Variants in IQSEC3 observed in about 807,000 individuals in gnomAD.
IQSEC3 encodes IQ motif and SEC7 domain-containing protein 3.
A neutral mutation model predicts 105.4 loss-of-function variants in IQSEC3; 50 were observed. The observed-to-expected ratio is 0.47, with a 90% CI of 0.38 to 0.60. IQSEC3 has a LOEUF of 0.60. Among genes scored for constraint, IQSEC3 ranks in the 20% least tolerant of loss-of-function variants. IQSEC3 has a pLI of 0.00. For missense variants in IQSEC3, 1,415 were observed against 1,630.0 expected (o/e 0.87, Z 2.27); for synonymous variants, 708 against 746.0 (o/e 0.95, Z 0.83).
chr12:122,371 A>G (rs1865247493), intron 2 of IQSEC3, among the ~76,000 whole-genome samples: 1 of 152,246 alleles, frequency 6.6e-6, no homozygotes, highest in Admixed American at 6.5e-5. Context: ...GCCCAAAGCC[A>G]CAGAGCTAGT....
intron 1 of IQSEC3, among the ~76,000 whole-genome samples, chr12:71,017 C>T (rs142876935): frequency 0.015 from 2,291 of 152,172 alleles, 29 homozygotes; most frequent in African/African-American, 0.045. Flanking sequence ...TCCTTCTATC[C>T]TTCTTCCACA....
rs115687944 is a variant in IQSEC3, at chr12:99,472, A to G, written c.623+258A>G. On this transcript the variant is annotated intron_variant, in intron 2 of 13. Transcript: ENST00000538872. Reference sequence around the variant, plus strand: ...TAGGCTCCTTCCTTCTAAACGGCCCATGTAAAATCTAACTTTTGTAAGCAG... The same window carrying G: ...TAGGCTCCTTCCTTCTAAACGGCCCGTGTAAAATCTAACTTTTGTAAGCAG... 4.8e-3 allele frequency among the ~76,000 whole-genome samples: 727 copies of G among 152,328 alleles called. 8 individuals carry two copies. The highest frequency in any genetic ancestry group is 0.016 in the African/African-American group (673 of 41,574).
chr12:124,197 G>A (rs181651084), intron 2 of IQSEC3, among the ~76,000 whole-genome samples: 70 of 152,052 alleles, frequency 4.6e-4, no homozygotes, highest in African/African-American at 1.7e-3. Context: ...GACCAGCCTG[G>A]CTGACATGGT....
At position 67,011 on chromosome 12, in the gene IQSEC3, G is replaced by A. The variant is rs1863113429; in HGVS notation, c.129G>A (p.Leu43=). 3 of 1,531,950 alleles carry A rather than the reference G, an allele frequency of 2.0e-6. No individual in the cohort carries two copies. Among genetic ancestry groups the A allele is most frequent in the Non-Finnish European group, 2.6e-6 (3 of 1,145,338 alleles). The allele number at this position is 1,531,950 out of a possible 1,614,324, so 94.9% of individuals were successfully genotyped here. A position where few individuals can be genotyped will look rare whatever the true frequency, so the allele number is the denominator to read the frequency against. Residue 43 remains leucine, a synonymous_variant, in exon 1 of 14, where the codon CTG becomes CTA. Coordinates refer to ENST00000538872, the MANE Select transcript of IQSEC3 (RefSeq NM_001170738.2). ...GTATCGACGAGCTGGAGCGGCGGCT[G>A]GACGAGCTGAGCGCTGAGAACCGCA... is the stretch of plus-strand genomic sequence containing the variant. ...RERIDELERR[L]DELSAENRSL...
At chr12:126,054 A>G (rs918636457) in intron 3 of IQSEC3, 142 bp downstream of exon 3, 16 of 920,120 alleles carry the variant, frequency 1.7e-5, no homozygotes, top group Admixed American at 2.8e-5. Flanking sequence ...GCATTGAGCG[A>G]CCTAGTTTGC....
intron 2 of IQSEC3, among the ~76,000 whole-genome samples, chr12:110,504 C>A (rs1864844269): frequency 6.6e-6 from 1 of 151,758 alleles, no homozygotes; most frequent in African/African-American, 2.4e-5. Context: ...TCCCTTGGGT[C>A]CTGCACTGGG....
At position 175,214 on chromosome 12, in the gene IQSEC3, C is replaced by A; in HGVS notation, c.*181C>A. On this transcript the variant is annotated 3_prime_UTR_variant, in exon 14 of 14. Coordinates refer to ENST00000538872, the MANE Select transcript of IQSEC3 (RefSeq NM_001170738.2). ...CTCATCCAACCATCCTTCCCTTTCT[C>A]AGCTGCACCCCCTCTGCAGATCTGA... 1.7e-6 allele frequency: 1 copy of A among 579,392 alleles called. No individual in the cohort carries two copies. Among genetic ancestry groups the A allele is most frequent in the Non-Finnish European group, 3.0e-6 (1 of 330,996 alleles). The allele number at this position is 579,392 out of a possible 1,614,324, so 35.9% of individuals were successfully genotyped here.
At chr12:92,297 C>T (rs782642341) in intron 1 of IQSEC3, among the ~76,000 whole-genome samples, 11 of 152,158 alleles carry the variant, frequency 7.2e-5, no homozygotes, top group East Asian at 1.9e-4. Context: ...CCGAGAATGA[C>T]GATGTTCCTT....
At chr12:96,014 C>T (rs1387039082) in intron 1 of IQSEC3, among the ~76,000 whole-genome samples, 2 of 152,126 alleles carry the variant, frequency 1.3e-5, no homozygotes, top group Admixed American at 1.3e-4. Flanking sequence ...TGACCATGGC[C>T]TGAGGCACAG....
At position 76,131 on chromosome 12, in the gene IQSEC3, C is replaced by CACACA. The variant is rs1450642817; in HGVS notation, c.554+8696_554+8697insCACAA. Among the ~76,000 whole-genome samples the CACACA allele has an allele frequency of 3.5e-5, 5 of 144,136 alleles. No homozygotes were observed. In the South Asian group the frequency reaches 6.6e-4, roughly 19 times the overall value. 94.6% of individuals were successfully genotyped at this position (144,136 alleles called of 152,430 possible). ...ACACACACACACACACACACACACA[C>CACACA]AAGGCCTCAGCAGGTGGAGTGAGAA... On this transcript the variant is annotated intron_variant, in intron 1 of 13. Transcript: ENST00000538872.
At chr12:158,802 G>T (rs1301313478) in intron 7 of IQSEC3, among the ~76,000 whole-genome samples, 1 of 152,116 alleles carries the variant, frequency 6.6e-6, no homozygotes, top group Non-Finnish European at 1.5e-5. Context: ...GGGATTACAG[G>T]TGTGCACCAC....
chr12:121,837 C>T (rs782385181), intron 2 of IQSEC3, among the ~76,000 whole-genome samples: 11 of 152,174 alleles, frequency 7.2e-5, no homozygotes, highest in East Asian at 1.9e-4. Context: ...GTGTTCCGGG[C>T]GCTGTCCTAG....
intron 5 of IQSEC3, 36 bp from the exon 6 acceptor site, chr12:156,988 TG>T (rs1555094448): frequency 6.5e-7 from 1 of 1,534,394 alleles, no homozygotes. Flanking sequence ...GTGCTTAGGG[TG>T]CCACCTGACC....
intron 3 of IQSEC3, among the ~76,000 whole-genome samples, chr12:136,662 A>G (rs2368834): frequency 0.4 from 60,449 of 151,898 alleles, 12,530 homozygotes; most frequent in East Asian, 0.61. Flanking sequence ...CGTTCATCTC[A>G]GCGCACCCAT....
intron 3 of IQSEC3, among the ~76,000 whole-genome samples, chr12:132,269 G>A (rs960901867): frequency 2.6e-5 from 4 of 152,308 alleles, no homozygotes; most frequent in East Asian, 1.9e-4. Context: ...AGGGAGCCTC[G>A]TGGGGGCGGT....
chr12:125,489 A>G (rs908357428), intron 2 of IQSEC3, 144 bp from the exon 3 acceptor site: 5 of 806,460 alleles, frequency 6.2e-6, no homozygotes, highest in Admixed American at 7.5e-5. Flanking sequence ...GCCCCTCCCT[A>G]GAGGAGACTG....
intron 4 of IQSEC3, chr12:139,760 C>A: frequency 6.2e-6 from 1 of 161,334 alleles, no homozygotes; most frequent in Non-Finnish European, 1.3e-5. Flanking sequence ...CATTAGCTCC[C>A]AGGGTTGGTG....
At chr12:68,723 G>T (rs1480787254) in intron 1 of IQSEC3, among the ~76,000 whole-genome samples, 1 of 152,220 alleles carries the variant, frequency 6.6e-6, no homozygotes, top group African/African-American at 2.4e-5. Flanking sequence ...CATTAAGTCT[G>T]GGAGATACTT....
At chr12:70,449 A>G (rs1235338330) in intron 1 of IQSEC3, among the ~76,000 whole-genome samples, 2 of 152,256 alleles carry the variant, frequency 1.3e-5, no homozygotes, top group Non-Finnish European at 2.9e-5. Context: ...AAACATTTGA[A>G]GGGTTAAAAT....
Sources: gnomAD v4.1 joint callset for allele counts (sites outside exome capture counted in the v4.1 genomes callset) on GRCh38, gnomAD v4.1.1 for gene constraint, MANE v1.5 for transcripts, NCBI Gene and HGNC (gene_info 2026-07-23, HGNC 2026-07-21) for gene names.